Variants in SH3RF3 observed in about 807,000 individuals in gnomAD.
SH3RF3 encodes SH3 domain containing ring finger 3.
Under a neutral mutation model 66.3 loss-of-function variants are expected in SH3RF3, and 29 were observed. The observed-to-expected ratio is 0.44, with a 90% CI of 0.33 to 0.60. The LOEUF is 0.60. Ranked by LOEUF, SH3RF3 falls within the 20% of genes least tolerant of loss-of-function variation. The pLI is 0.04. For missense variants in SH3RF3, 1,194 were observed against 1,190.9 expected, an observed-to-expected ratio of 1.00 and a Z score of -0.04; for synonymous variants, 583 against 532.0, an observed-to-expected ratio of 1.10 and a Z score of -1.32.
intron 9 of SH3RF3, among the ~76,000 whole-genome samples, chr2:109,495,072 G>A (rs150917275): frequency 0.031 from 4,678 of 152,264 alleles, 152 homozygotes; most frequent in African/African-American, 0.079. Context: ...ACGAGCCTGG[G>A]GTGTAAGTCA....
At chr2:109,160,072 A>G (rs917941783) in intron 1 of SH3RF3, among the ~76,000 whole-genome samples, 9 of 152,150 alleles carry the variant, frequency 5.9e-5, no homozygotes, top group African/African-American at 2.2e-4. Flanking sequence ...CTTGGTGCCA[A>G]AAAGGTTGGA....
chr2:109,191,365 C>T (rs1027032398), intron 1 of SH3RF3, among the ~76,000 whole-genome samples: 8 of 152,190 alleles, frequency 5.3e-5, no homozygotes, highest in Admixed American at 1.3e-4. Context: ...GCAGTACCAG[C>T]GGAGGTGCTG....
At chr2:109,457,513 G>A (rs1184608855) in intron 8 of SH3RF3, among the ~76,000 whole-genome samples, 3 of 152,196 alleles carry the variant, frequency 2.0e-5, no homozygotes, top group East Asian at 1.9e-4. Flanking sequence ...GACTAATAAC[G>A]AGTAACTAAT....
intron 1 of SH3RF3, among the ~76,000 whole-genome samples, chr2:109,345,223 A>C (rs149331904): frequency 6.6e-6 from 1 of 152,074 alleles, no homozygotes; most frequent in Non-Finnish European, 1.5e-5. Context: ...CAGTTACACA[A>C]TGTGGGTGTG....
At chr2:109,303,553 A>G (rs768854703) in intron 1 of SH3RF3, among the ~76,000 whole-genome samples, 4 of 152,208 alleles carry the variant, frequency 2.6e-5, no homozygotes, top group Non-Finnish European at 5.9e-5. Context: ...CTGAGCCTCC[A>G]GGAAGGAAAC....
intron 5 of SH3RF3, among the ~76,000 whole-genome samples, chr2:109,422,833 G>A (rs1676918326): frequency 1.3e-5 from 2 of 152,318 alleles, no homozygotes; most frequent in South Asian, 4.2e-4. Context: ...CTGATGTGAA[G>A]GACCGGAGGA....
chr2:109,328,099 T>G (rs1436830804), intron 1 of SH3RF3, among the ~76,000 whole-genome samples: 5 of 152,224 alleles, frequency 3.3e-5, no homozygotes, highest in Non-Finnish European at 5.9e-5. Context: ...TATTTCAGTA[T>G]GTATTACCAA....
chr2:109,146,857 C>G lies in SH3RF3; in HGVS notation c.573+16744C>G, dbSNP rs143846998. On this transcript the variant is annotated intron_variant, in intron 1 of 9. Coordinates refer to ENST00000309415, the MANE Select transcript of SH3RF3 (RefSeq NM_001099289.3). The stretch of plus-strand genomic sequence containing the variant: ...AACCCTCCCCTCCCCTCCCCTCCCT[C>G]TCTTCCCCTCTTCTCTTCTTTTTTC... Among the ~76,000 whole-genome samples, 201 of 73,584 alleles carry G rather than the reference C, an allele frequency of 2.7e-3. 6 individuals are homozygous for G. Among genetic ancestry groups the G allele is most frequent in the African/African-American group, 0.011 (186 of 17,408 alleles). 48.3% of individuals were successfully genotyped at this position (73,584 alleles called of 152,430 possible).
chr2:109,404,688 G>A (rs1409324167), intron 4 of SH3RF3, among the ~76,000 whole-genome samples: 1 of 152,130 alleles, frequency 6.6e-6, no homozygotes, highest in Non-Finnish European at 1.5e-5. Context: ...CCCCCTCCCA[G>A]CACCTTTGCG....
intron 5 of SH3RF3, among the ~76,000 whole-genome samples, chr2:109,429,028 TCA>T (rs1677117139): frequency 6.6e-6 from 1 of 152,128 alleles, no homozygotes; most frequent in Non-Finnish European, 1.5e-5. Flanking sequence ...AGGACTCAAC[TCA>T]CAGACGTTGG....
chr2:109,478,724 T>C (rs1055398375), intron 8 of SH3RF3, among the ~76,000 whole-genome samples: 1 of 152,130 alleles, frequency 6.6e-6, no homozygotes. Flanking sequence ...AGCTCGTAGG[T>C]AAGATCTTCT....
chr2:109,221,377 G>GT (rs1197386363), intron 1 of SH3RF3, among the ~76,000 whole-genome samples: 2 of 152,130 alleles, frequency 1.3e-5, no homozygotes, highest in Non-Finnish European at 2.9e-5. Context: ...GAGCTCAGGC[G>GT]TTTGAGACCA....
chr2:109,446,766 CCT>C (rs1490817671), intron 7 of SH3RF3, among the ~76,000 whole-genome samples: 1 of 113,942 alleles, frequency 8.8e-6, no homozygotes, highest in Non-Finnish European at 2.1e-5. Context: ...GAACACACTC[CCT>C]CTCTTCTTTG....
At chr2:109,313,919 G>A (rs908015378) in intron 1 of SH3RF3, among the ~76,000 whole-genome samples, 3 of 152,162 alleles carry the variant, frequency 2.0e-5, no homozygotes, top group East Asian at 1.9e-4. Flanking sequence ...GTTGGGACCC[G>A]TATGCAGGGT....
chr2:109,393,129 T>C (rs1163264356), intron 3 of SH3RF3, among the ~76,000 whole-genome samples: 2 of 152,238 alleles, frequency 1.3e-5, no homozygotes, highest in Non-Finnish European at 2.9e-5. Context: ...GCAAAGGCCA[T>C]TCTTCATCTG....
intron 5 of SH3RF3, among the ~76,000 whole-genome samples, chr2:109,421,201 A>G (rs1341244915): frequency 3.3e-5 from 5 of 152,230 alleles, no homozygotes; most frequent in Non-Finnish European, 5.9e-5. Flanking sequence ...ACAGTGGGAT[A>G]GCCCTGATGG....
intron 1 of SH3RF3, among the ~76,000 whole-genome samples, chr2:109,216,639 C>T (rs1679106553): frequency 6.6e-6 from 1 of 152,230 alleles, no homozygotes; most frequent in Admixed American, 6.5e-5. Context: ...GATGGGTGCC[C>T]ACCCTGCATG....
intron 8 of SH3RF3, among the ~76,000 whole-genome samples, chr2:109,471,939 T>C (rs1214913509): frequency 6.6e-6 from 1 of 152,202 alleles, no homozygotes; most frequent in African/African-American, 2.4e-5. Context: ...TTCATGTAAC[T>C]TGGTCTGAAG....
At chr2:109,365,075 C>G (rs1053946783) in intron 2 of SH3RF3, among the ~76,000 whole-genome samples, 1 of 151,980 alleles carries the variant, frequency 6.6e-6, no homozygotes, top group African/African-American at 2.4e-5. Context: ...AACAAACAAA[C>G]AAAACATCCC....
Sources: allele counts gnomAD v4.1 joint callset (sites outside exome capture counted in the v4.1 genomes callset), GRCh38; gene constraint gnomAD v4.1.1; transcripts MANE v1.5; gene names NCBI Gene and HGNC (gene_info 2026-07-23, HGNC 2026-07-21).